PTPRD: variants seen among roughly 807,000 people sequenced by gnomAD.
PTPRD encodes receptor-type tyrosine-protein phosphatase delta.
In PTPRD, 34 loss-of-function variants were observed where a neutral mutation model predicts 214.5. That is an observed-to-expected ratio of 0.16 (90% confidence interval 0.12 to 0.21). The LOEUF is 0.21. Among genes scored for constraint, PTPRD ranks in the 10% least tolerant of loss-of-function variants. PTPRD has a pLI of 1.00. For synonymous variants in PTPRD, 1,128 were observed against 845.7 expected (o/e 1.33, Z -5.79); for missense variants, 2,545 against 2,398.7 (o/e 1.06, Z -1.27).
At chr9:8,962,593 C>A (rs1400048397) in intron 11 of PTPRD, among the ~76,000 whole-genome samples, 1 of 151,820 alleles carries the variant, frequency 6.6e-6, no homozygotes, top group Non-Finnish European at 1.5e-5. Flanking sequence ...AGCTTTGTAT[C>A]AAGGGTGTCC....
intron 12 of PTPRD, among the ~76,000 whole-genome samples, chr9:8,653,553 A>C (rs769057778): frequency 3.9e-5 from 6 of 152,090 alleles, no homozygotes; most frequent in Non-Finnish European, 8.8e-5. Context: ...GTCTGTTCTG[A>C]ATGGCTAAGC....
intron 7 of PTPRD, among the ~76,000 whole-genome samples, chr9:9,602,904 T>C (rs149364892): frequency 2.2e-4 from 33 of 152,254 alleles, no homozygotes; most frequent in African/African-American, 7.5e-4. Flanking sequence ...TCTAAATAAT[T>C]TGAATAAGAA....
intron 11 of PTPRD, among the ~76,000 whole-genome samples, chr9:8,805,451 A>C (rs948351889): frequency 2.6e-5 from 4 of 152,156 alleles, no homozygotes; most frequent in African/African-American, 9.6e-5. Flanking sequence ...TAATCGTAGT[A>C]AGAAAGCCAG....
chr9:10,040,335 A>G (rs562446662), intron 3 of PTPRD, among the ~76,000 whole-genome samples: 2 of 152,152 alleles, frequency 1.3e-5, no homozygotes, highest in East Asian at 3.9e-4. Flanking sequence ...CATCCAGCAC[A>G]TTCAACAATC....
At chr9:10,447,898 A>G (rs73408156) in intron 2 of PTPRD, among the ~76,000 whole-genome samples, 13,535 of 152,070 alleles carry the variant, frequency 0.089, 1,126 homozygotes, top group African/African-American at 0.19. Context: ...AGAAACTTGA[A>G]ATCAAGCACA....
chr9:9,135,370 G>A (rs1259524774), intron 10 of PTPRD, among the ~76,000 whole-genome samples: 1 of 152,066 alleles, frequency 6.6e-6, no homozygotes, highest in Non-Finnish European at 1.5e-5. Context: ...CCCTAGTTCT[G>A]GATTGAATTT....
intron 5 of PTPRD, among the ~76,000 whole-genome samples, chr9:9,856,160 C>T (rs1477512538): frequency 6.6e-6 from 1 of 152,156 alleles, no homozygotes; most frequent in African/African-American, 2.4e-5. Flanking sequence ...TCTGAAGTTG[C>T]ACCGTCAAGC....
chr9:9,594,477 A>G (rs1302896672), intron 7 of PTPRD, among the ~76,000 whole-genome samples: 1 of 152,060 alleles, frequency 6.6e-6, no homozygotes. Context: ...ATCCAGTTTC[A>G]TTCTCCTACA....
At chr9:8,455,621 T>A (rs1232284348) in intron 33 of PTPRD, among the ~76,000 whole-genome samples, 4 of 152,120 alleles carry the variant, frequency 2.6e-5, no homozygotes, top group Non-Finnish European at 5.9e-5. Context: ...AATAAAAAAA[T>A]CCACATTTAA....
At chr9:9,267,979 G>T (rs145404597) in intron 9 of PTPRD, among the ~76,000 whole-genome samples, 1 of 151,266 alleles carries the variant, frequency 6.6e-6, no homozygotes, top group East Asian at 2.0e-4. Flanking sequence ...AGACAAGGAT[G>T]TCCACTCTCG....
intron 2 of PTPRD, among the ~76,000 whole-genome samples, chr9:10,410,087 AAATAT>A (rs993397266): frequency 5.9e-5 from 9 of 151,514 alleles, no homozygotes; most frequent in South Asian, 2.1e-4. Context: ...AATAGATAAT[AAATAT>A]AATATATCAA....
intron 2 of PTPRD, among the ~76,000 whole-genome samples, chr9:10,408,509 G>A (rs2098400309): frequency 6.6e-6 from 1 of 151,646 alleles, no homozygotes; most frequent in Non-Finnish European, 1.5e-5. Context: ...ATTAAGGCTA[G>A]GAAGAGAAAG....
chr9:9,477,905 T>C (rs2095181445), intron 8 of PTPRD, among the ~76,000 whole-genome samples: 2 of 152,200 alleles, frequency 1.3e-5, no homozygotes, highest in Non-Finnish European at 2.9e-5. Flanking sequence ...ACATCTGTAA[T>C]AAATAGTTCT....
intron 2 of PTPRD, among the ~76,000 whole-genome samples, chr9:10,368,948 G>C (rs761145750): frequency 6.6e-6 from 1 of 152,054 alleles, no homozygotes. Context: ...ACAGGACAGA[G>C]CTATTTTACC....
intron 25 of PTPRD, among the ~76,000 whole-genome samples, chr9:8,498,666 C>T (rs531598959): frequency 2.6e-5 from 4 of 152,264 alleles, no homozygotes; most frequent in Admixed American, 2.6e-4. Flanking sequence ...ATCCTTTTCC[C>T]TGCCAAGTCA....
intron 20 of PTPRD, among the ~76,000 whole-genome samples, chr9:8,520,956 G>A (rs1018125190): frequency 1.3e-5 from 2 of 151,878 alleles, no homozygotes; most frequent in Admixed American, 1.3e-4. Flanking sequence ...CTAGTATGTA[G>A]ACTGTACACA....
intron 3 of PTPRD, among the ~76,000 whole-genome samples, chr9:10,165,215 T>C (rs918799324): frequency 7.9e-5 from 12 of 151,704 alleles, no homozygotes; most frequent in African/African-American, 2.9e-4. Flanking sequence ...TTATGTCTTA[T>C]ATTTGCTTGG....
intron 3 of PTPRD, among the ~76,000 whole-genome samples, chr9:10,249,404 G>A (rs538210063): frequency 2.3e-4 from 35 of 152,126 alleles, no homozygotes; most frequent in African/African-American, 8.2e-4. Flanking sequence ...TAGGAACCAC[G>A]AGAAAGAGTT....
intron 8 of PTPRD, among the ~76,000 whole-genome samples, chr9:9,540,055 CT>C (rs2077270388): frequency 6.6e-6 from 1 of 151,804 alleles, no homozygotes; most frequent in East Asian, 1.9e-4. Context: ...TAGAGTTATT[CT>C]TTTAAAGTTA....
Sources: allele counts gnomAD v4.1 joint callset (sites outside exome capture counted in the v4.1 genomes callset), GRCh38; gene constraint gnomAD v4.1.1; transcripts MANE v1.5; gene names NCBI Gene and HGNC (gene_info 2026-07-23, HGNC 2026-07-21).